Variants in GABRR1 observed in about 807,000 individuals in gnomAD.
GABRR1 encodes the protein gamma-aminobutyric acid receptor subunit rho-1.
GABRR1 carries 59 observed loss-of-function variants against 55.5 expected under a neutral mutation model. The observed-to-expected ratio is 1.06, with a 90% confidence interval of 0.86 to 1.32. GABRR1 has a LOEUF of 1.32. Among genes scored for constraint, GABRR1 ranks in the 40% most tolerant of loss-of-function variants. The probability of loss-of-function intolerance (pLI) is 0.00; values close to 1 mark genes in which losing one functional copy is unlikely to be tolerated. For synonymous variants in GABRR1, 213 were observed against 226.0 expected, an observed-to-expected ratio of 0.94 and a Z score of 0.51; for missense variants, 602 against 619.1, an observed-to-expected ratio of 0.97 and a Z score of 0.29.
At chr6:89,187,554 C>A (rs748125324) in intron 6 of GABRR1, among the ~76,000 whole-genome samples, 1 of 152,136 alleles carries the variant, frequency 6.6e-6, no homozygotes, top group Non-Finnish European at 1.5e-5. Context: ...ATACCACCAT[C>A]CATCTCCAGA....
In GABRR1 at chr6:89,179,030, T is replaced by C. The variant is rs775214942; in HGVS notation, c.1180A>G (p.Thr394Ala). 4 of 1,613,996 alleles carry C rather than the reference T, an allele frequency of 2.5e-6. No individual in the cohort carries two copies. The highest frequency in any genetic ancestry group is 2.2e-5 in the East Asian group (1 of 44,882). ...PCTSGLPPPR[T>A]AMLDGNYSDG... The stretch of plus-strand genomic sequence containing the variant: ...CTGTAGTTGCCGTCCAGCATCGCAG[T>C]GCGGGGCGGAGGTAATCCGCTGGTG... The change falls in exon 10 of 10, where the codon ACT becomes GCT. Residue 394 changes from threonine (T) to alanine (A), a missense_variant. Thr to Ala is a moderately conservative substitution (Grantham distance 58). Around this residue, in one of 3 missense-constraint regions of GABRR1, gnomAD observed 139 missense variants for 141.1 expected, o/e 0.99. Transcript: ENST00000454853.
chr6:89,181,300 C>A (rs184209526), intron 8 of GABRR1, among the ~76,000 whole-genome samples: 7 of 152,280 alleles, frequency 4.6e-5, no homozygotes, highest in Admixed American at 2.0e-4. Flanking sequence ...TCCCCTGCAG[C>A]CCCTGAACTG....
At chr6:89,182,585 G>A (rs975753554) in intron 7 of GABRR1, among the ~76,000 whole-genome samples, 12 of 152,082 alleles carry the variant, frequency 7.9e-5, no homozygotes, top group African/African-American at 2.4e-4. Context: ...CTACCATCAC[G>A]CCTGGGTCAT....
chr6:89,184,613 C>G (rs1771836552), intron 7 of GABRR1, among the ~76,000 whole-genome samples: 1 of 152,064 alleles, frequency 6.6e-6, no homozygotes, highest in Non-Finnish European at 1.5e-5. Context: ...GCAGGGAGAA[C>G]GTAAATTGAA....
At chr6:89,203,543 C>T (rs550982501) in intron 1 of GABRR1, 58 bp from the exon 2 acceptor site, 1 of 1,210,778 alleles carries the variant, frequency 8.3e-7, no homozygotes, top group South Asian at 1.2e-5. Flanking sequence ...CTCAGATCAA[C>T]CAAGCACCCC....
At chr6:89,186,781 A>C in intron 6 of GABRR1, among the ~76,000 whole-genome samples, 1 of 152,168 alleles carries the variant, frequency 6.6e-6, no homozygotes, top group Non-Finnish European at 1.5e-5. Context: ...GGGTTGAATG[A>C]CAAGGCAGAG....
At chr6:89,183,320 T>C (rs1294753894) in intron 7 of GABRR1, among the ~76,000 whole-genome samples, 1 of 152,150 alleles carries the variant, frequency 6.6e-6, no homozygotes, top group East Asian at 1.9e-4. Flanking sequence ...AGAGGGACTG[T>C]CAGAATGCTG....
At chr6:89,226,304 A>G (rs1425478409) in intron 1 of GABRR1, among the ~76,000 whole-genome samples, 2 of 142,956 alleles carry the variant, frequency 1.4e-5, no homozygotes, top group Non-Finnish European at 3.1e-5. Flanking sequence ...TTTTGTTGCC[A>G]TTGCTTTTGG....
rs555528702 is a variant in GABRR1, at chr6:89,223,566, G to T, written c.-410-2120C>A. On this transcript the variant is annotated intron_variant, in intron 1 of 11. Transcript: ENST00000369451. ...TTCTTTTCCTCTGGATAGATACTCA[G>T]TAGCGGGATTGCTGGATCAAATGGT... 1.9e-3 allele frequency among the ~76,000 whole-genome samples: 293 copies of T among 152,302 alleles called. 2 individuals are homozygous for T. Among genetic ancestry groups the T allele is most frequent in the African/African-American group, 6.5e-3 (272 of 41,558 alleles).
chr6:89,196,096 T>C (rs549489018), intron 5 of GABRR1, among the ~76,000 whole-genome samples: 5 of 152,378 alleles, frequency 3.3e-5, no homozygotes, highest in African/African-American at 7.2e-5. Flanking sequence ...AAAGTTTCTA[T>C]ATAGTTTTTC....
chr6:89,179,495 C>T (rs9359844), intron 9 of GABRR1, among the ~76,000 whole-genome samples: 40,598 of 152,120 alleles, frequency 0.27, 6,131 homozygotes, highest in East Asian at 0.61. Flanking sequence ...GCTGGGATTA[C>T]AGGCGTGAGC....
intron 2 of GABRR1, 86 bp from the exon 3 acceptor site, chr6:89,201,351 G>A: frequency 1.3e-6 from 1 of 791,682 alleles, no homozygotes; most frequent in Non-Finnish European, 2.2e-6. Context: ...GATCTTGATA[G>A]GTGTGATGGG....
At chr6:89,179,278 C>T (rs759911344) in intron 9 of GABRR1, among the ~76,000 whole-genome samples, 16 of 151,876 alleles carry the variant, frequency 1.1e-4, no homozygotes, top group South Asian at 6.2e-4. Context: ...TGCAATGGCA[C>T]GATCAATCTC....
chr6:89,217,145 A>C, intron 1 of GABRR1, 56 bp downstream of exon 1: 3 of 1,587,248 alleles, frequency 1.9e-6, no homozygotes, highest in Non-Finnish European at 2.6e-6. Flanking sequence ...GAACACTGTA[A>C]GCTCACTTTG....
At chr6:89,206,461 C>T (rs369439210) in intron 1 of GABRR1, among the ~76,000 whole-genome samples, 1 of 152,144 alleles carries the variant, frequency 6.6e-6, no homozygotes, top group African/African-American at 2.4e-5. Flanking sequence ...GACAACTCCA[C>T]GCATTCCCAG....
At chr6:89,224,782 A>G (rs1031819413) in intron 1 of GABRR1, among the ~76,000 whole-genome samples, 3 of 132,530 alleles carry the variant, frequency 2.3e-5, no homozygotes, top group African/African-American at 9.0e-5. Context: ...GTTTTCTTCT[A>G]GAATTTTTTT....
chr6:89,196,830 A>AGAAAGAAG (rs764283652), intron 5 of GABRR1, among the ~76,000 whole-genome samples: 1 of 89,554 alleles, frequency 1.1e-5, no homozygotes, highest in Non-Finnish European at 2.4e-5. Flanking sequence ...AAGGAAAGAA[A>AGAAAGAAG]GAAAGAAAGA....
intron 1 of GABRR1, among the ~76,000 whole-genome samples, chr6:89,207,386 G>A (rs1318714214): frequency 6.6e-6 from 1 of 151,980 alleles, no homozygotes; most frequent in East Asian, 1.9e-4. Context: ...GTGGAGTTGG[G>A]GTTTTGCCAT....
chr6:89,180,712 C>A (rs62414648), intron 8 of GABRR1, among the ~76,000 whole-genome samples: 1 of 152,162 alleles, frequency 6.6e-6, no homozygotes, highest in Non-Finnish European at 1.5e-5. Flanking sequence ...CCTCTGCATA[C>A]CCTGTGTATT....
Sources: allele counts gnomAD v4.1 joint callset (sites outside exome capture counted in the v4.1 genomes callset), GRCh38; gene constraint gnomAD v4.1.1; regional missense constraint gnomAD v4.1.1; transcripts MANE v1.5; gene names NCBI Gene and HGNC (gene_info 2026-07-23, HGNC 2026-07-21).